Variants in FAM83E observed in about 807,000 individuals in gnomAD.
FAM83E encodes the protein scaffolding CK1 anchoring protein E, also known as protein FAM83E.
Under a neutral mutation model 34.3 loss-of-function variants are expected in FAM83E, and 29 were observed. The observed-to-expected ratio is 0.85, with a 90% CI of 0.63 to 1.15. The LOEUF (loss-of-function observed/expected upper bound fraction) is 1.15. Among genes scored for constraint, FAM83E ranks in the 50% most tolerant of loss-of-function variants. FAM83E has a pLI of 0.00. For synonymous variants in FAM83E, 312 were observed against 311.6 expected (o/e 1.00, Z -0.01); for missense variants, 697 against 685.0 (o/e 1.02, Z -0.20).
In FAM83E at chr19:48,612,912, T is replaced by C; in HGVS notation, c.461A>G (p.His154Arg). ...CAGGGCCCCCGCGACACCCACCTTG[T>C]GGGCAGCCTGGATCTCCAGCCGCAC... Reference protein sequence around the residue: ...ELVRLEIQAAHKLVAVVMDVF... With the variant: ...ELVRLEIQAARKLVAVVMDVF... The change falls in exon 3 of 7, where the codon CAC becomes CGC. Residue 154 changes from histidine to arginine, a missense_variant. Physicochemically the swap from His to Arg is conservative, Grantham distance 29. Transcript: ENST00000263266. The C allele has an allele frequency of 6.5e-7, 1 of 1,540,798 alleles. No homozygotes were observed. Among genetic ancestry groups the C allele is most frequent in the Non-Finnish European group, 8.8e-7 (1 of 1,138,090 alleles).
chr19:48,604,442 T>C (rs1055193557), intron 5 of FAM83E, among the ~76,000 whole-genome samples: 1 of 148,758 alleles, frequency 6.7e-6, no homozygotes, highest in Non-Finnish European at 1.5e-5. Flanking sequence ...GCAATTCTCC[T>C]GCCTCAGCCT....
At chr19:48,612,789 G>T in intron 3 of FAM83E, 119 bp downstream of exon 3, 3 of 1,202,610 alleles carry the variant, frequency 2.5e-6, no homozygotes, top group Non-Finnish European at 3.4e-6. Context: ...CTGGGTCCCA[G>T]GGGTATAGGT....
intron 3 of FAM83E, 57 bp downstream of exon 3, chr19:48,612,851 A>C: frequency 6.8e-7 from 1 of 1,470,430 alleles, no homozygotes; most frequent in Non-Finnish European, 9.1e-7. Flanking sequence ...AAGGGAGAGA[A>C]TGCCTGGGTC....
chr19:48,608,498 G>A (rs1332573314), intron 5 of FAM83E, among the ~76,000 whole-genome samples: 2 of 141,456 alleles, frequency 1.4e-5, no homozygotes, highest in African/African-American at 5.4e-5. Context: ...AGGCTTTAGT[G>A]CAGTGGCGCG....
rs201569389 is a variant in FAM83E, at chr19:48,603,893, T to C, written c.777A>G (p.Ala259=). The change falls in exon 6 of 7, where the codon GCA becomes GCG. Residue 259 remains alanine, a synonymous_variant. Transcript: ENST00000263266. Reference sequence around the variant, plus strand: ...GGGTCACCAGGCCTCGGTGCAGGCGTGCGTCACTCCACGTGAAGCTGGGGG... The same window carrying C: ...GGGTCACCAGGCCTCGGTGCAGGCGCGCGTCACTCCACGTGAAGCTGGGGG... ...SGSYSFTWSD[A]RLHRGLVTLL... is the part of the protein sequence containing the mutation. 1,040 of 1,601,110 alleles carry C rather than the reference T, an allele frequency of 6.5e-4. 5 individuals carry two copies. The highest frequency in any genetic ancestry group is 1.3e-4 in the Non-Finnish European group (157 of 1,174,088).
At chr19:48,609,725 C>T in intron 5 of FAM83E, 151 bp downstream of exon 5, 1 of 892,392 alleles carries the variant, frequency 1.1e-6, no homozygotes, top group Non-Finnish European at 1.7e-6. Context: ...GCCGCGGCAC[C>T]AACCTCCTCC....
chr19:48,603,582 G>T lies in FAM83E; in HGVS notation c.1088C>A (p.Pro363His). ...GCTGGGCCGGGCCGGGGGGCCGCTG[G>T]GGGTCCGGGCGCGCTGCACACTCCT... is the stretch of plus-strand genomic sequence containing the variant. ...ILRSVQRART[P>H]SGPPARPSRS... Residue 363 changes from proline (P) to histidine (H), a missense_variant, in exon 6 of 7, where the codon CCC (proline) becomes CAC (histidine). By Grantham distance (77) the Pro-to-His change is moderately conservative (BLOSUM62 -2). Coordinates refer to ENST00000263266, the MANE Select transcript of FAM83E (RefSeq NM_017708.4). The T allele has an allele frequency of 6.4e-7, 1 of 1,551,284 alleles. No individual in the cohort carries two copies.
At position 48,600,980 on chromosome 19, in the gene FAM83E, C is replaced by T; in HGVS notation, c.*129G>A. The T allele has an allele frequency of 6.8e-7, 1 of 1,469,696 alleles. No homozygotes were observed. The highest frequency in any genetic ancestry group is 8.9e-7 in the Non-Finnish European group (1 of 1,118,076). 91.0% of individuals were successfully genotyped at this position (1,469,696 alleles called of 1,614,324 possible). ...AGTTGCAGAACAAGTGACAAACATCCCTTCTGCTTGACAGACGCCGAGGCC... is the reference window on the plus strand; with the variant it reads ...AGTTGCAGAACAAGTGACAAACATCTCTTCTGCTTGACAGACGCCGAGGCC... On this transcript the variant is annotated 3_prime_UTR_variant, in exon 7 of 7. Coordinates refer to ENST00000263266, the MANE Select transcript of FAM83E (RefSeq NM_017708.4).
intron 5 of FAM83E, chr19:48,606,879 G>A (rs1330635636): frequency 1.2e-5 from 18 of 1,440,008 alleles, no homozygotes; most frequent in South Asian, 2.7e-5. Flanking sequence ...CCAAAGTCCC[G>A]TGGGCAAGAG....
At chr19:48,602,864 A>G (rs868675991) in intron 6 of FAM83E, among the ~76,000 whole-genome samples, 1 of 104,908 alleles carries the variant, frequency 9.5e-6, no homozygotes, top group African/African-American at 3.3e-5. Context: ...TATTATTATT[A>G]TTATTTTGAG....
intron 1 of FAM83E, 35 bp from the exon 2 acceptor site, chr19:48,614,874 ACAG>A (rs754020606): frequency 1.5e-4 from 130 of 870,880 alleles, no homozygotes; most frequent in Non-Finnish European, 1.7e-4. Context: ...TTGTGTAAAC[ACAG>A]GAGGGCCCCC....
chr19:48,613,126 C>T lies in FAM83E; in HGVS notation c.247G>A (p.Gly83Arg), dbSNP rs777273537. 3.4e-5 allele frequency: 54 copies of T among 1,611,548 alleles called. No homozygotes were observed. Among genetic ancestry groups the T allele is most frequent in the African/African-American group, 1.1e-4 (8 of 74,938 alleles). ...DWTVAKQEPS[G>R]MAEGATTTDV... is the part of the protein sequence containing the mutation. ...GTGGTGGTGGCTCCCTCTGCCATCC[C>T]GCTGGGCTCCTGCTTGGCCACTGTC... The change falls in exon 3 of 7, where the codon GGG (glycine) becomes AGG (arginine). Residue 83 changes from glycine to arginine, a missense_variant. By Grantham distance (125) the Gly-to-Arg change is moderately radical. Coordinates refer to ENST00000263266, the MANE Select transcript of FAM83E (RefSeq NM_017708.4).
rs763535279 is a variant in FAM83E, at chr19:48,609,938, G to A, written c.696C>T (p.Ser232=). Residue 232 remains serine (S), a synonymous_variant, in exon 5 of 7, where the codon AGC becomes AGT. Transcript: ENST00000263266. ...GCACAAACTTCTCCCGCACGGTGCC[G>A]CTCACCTGCCGTCGCCAGCGGCTCT... is the stretch of plus-strand genomic sequence containing the variant. The part of the protein sequence containing the change: ...SFQSRWRRQV[S]GTVREKFVLL... 23 of 1,612,862 alleles carry A rather than the reference G, an allele frequency of 1.4e-5. No individual in the cohort carries two copies. The highest frequency in any genetic ancestry group is 2.2e-5 in the East Asian group (1 of 44,886).
At chr19:48,602,416 C>A (rs909321882) in intron 6 of FAM83E, among the ~76,000 whole-genome samples, 29 of 150,994 alleles carry the variant, frequency 1.9e-4, no homozygotes, top group African/African-American at 7.1e-4. Context: ...AGTGAGAGGG[C>A]AAACCTGGGA....
At chr19:48,602,777 A>G (rs1973849710) in intron 6 of FAM83E, among the ~76,000 whole-genome samples, 1 of 125,632 alleles carries the variant, frequency 8.0e-6, no homozygotes, top group African/African-American at 3.1e-5. Context: ...TGGGATGAGG[A>G]TGTCACAAAA....
At chr19:48,607,673 AAT>A (rs1555737442) in intron 5 of FAM83E, 34 of 335,502 alleles carry the variant, frequency 1.0e-4, no homozygotes, top group East Asian at 1.9e-4. Flanking sequence ...TATGGTAAAA[AAT>A]ATATATATAT....
In FAM83E at chr19:48,613,624, T is replaced by C. The variant is rs933652507; in HGVS notation, c.-252A>G. 2.2e-6 allele frequency: 3 copies of C among 1,351,152 alleles called. No homozygotes were observed. The highest frequency in any genetic ancestry group is 5.8e-5 in the East Asian group (2 of 34,594). 83.7% of individuals were successfully genotyped at this position (1,351,152 alleles called of 1,614,324 possible). On this transcript the variant is annotated 5_prime_UTR_variant, in exon 3 of 7. Transcript: ENST00000263266. ...AGGCCACTCAGATCCGCCACCTGCCTGCACCCAGTGGCACCATGCCTGGCT... is the reference window on the plus strand; with the variant it reads ...AGGCCACTCAGATCCGCCACCTGCCCGCACCCAGTGGCACCATGCCTGGCT...
At chr19:48,608,711 G>A (rs375325663) in intron 5 of FAM83E, among the ~76,000 whole-genome samples, 2 of 152,010 alleles carry the variant, frequency 1.3e-5, no homozygotes, top group East Asian at 1.9e-4. Context: ...CTCCCAAAGT[G>A]CTGGGATTAC....
rs1457344086 is a variant in FAM83E, at chr19:48,612,928, C to G, written c.445G>C (p.Glu149Gln). ...QPPLKELVRL[E>Q]IQAAHKLVAV... The stretch of plus-strand genomic sequence containing the variant: ...CCCACCTTGTGGGCAGCCTGGATCT[C>G]CAGCCGCACCAGCTCCTTGAGGGGC... The change falls in exon 3 of 7, where the codon GAG (glutamate) becomes CAG (glutamine). Residue 149 changes from glutamate (E) to glutamine (Q), a missense_variant. Coordinates refer to ENST00000263266, the MANE Select transcript of FAM83E (RefSeq NM_017708.4). 1 of 1,561,848 alleles carries G rather than the reference C, an allele frequency of 6.4e-7. No homozygotes were observed. Among genetic ancestry groups the G allele is most frequent in the Non-Finnish European group, 8.7e-7 (1 of 1,151,320 alleles).
Sources: gnomAD v4.1 joint callset for allele counts (sites outside exome capture counted in the v4.1 genomes callset) on GRCh38, gnomAD v4.1.1 for gene constraint, MANE v1.5 for transcripts, NCBI Gene and HGNC (gene_info 2026-07-23, HGNC 2026-07-21) for gene names.